The following KCNAB2 variants were observed in gnomAD, a reference collection of about 807,000 sequenced individuals.
The protein encoded by KCNAB2 is potassium voltage-gated channel subfamily A regulatory beta subunit 2, also known as voltage-gated potassium channel subunit beta-2.
Under a neutral mutation model 63.6 loss-of-function variants are expected in KCNAB2, and 29 were observed. The observed-to-expected ratio is 0.46, with a 90% confidence interval of 0.34 to 0.62. The LOEUF (loss-of-function observed/expected upper bound fraction) is 0.62. KCNAB2 is among the 20% of genes least tolerant of loss of function. The pLI is 0.01. For missense variants in KCNAB2, 359 were observed against 563.9 expected (o/e 0.64, Z 3.68); for synonymous variants, 222 against 224.2 (o/e 0.99, Z 0.09).
At chr1:6,022,879 C>CTTTT (rs34874871) in intron 1 of KCNAB2, among the ~76,000 whole-genome samples, 45 of 86,928 alleles carry the variant, frequency 5.2e-4, no homozygotes, top group South Asian at 7.5e-4. Context: ...TTTTGCTTAT[C>CTTTT]TTTTTTTTTT....
At chr1:6,019,290 T>G (rs887391895) in intron 1 of KCNAB2, among the ~76,000 whole-genome samples, 1 of 152,066 alleles carries the variant, frequency 6.6e-6, no homozygotes, top group South Asian at 2.1e-4. Flanking sequence ...AGTTCCCTTC[T>G]CCTAAAAAAA....
upstream of KCNAB2, among the ~76,000 whole-genome samples, chr1:6,031,596 G>T (rs1226195378): frequency 2.6e-5 from 4 of 152,142 alleles, no homozygotes; most frequent in Non-Finnish European, 4.4e-5. This position sits in a 1 kb window ranked among gnomAD's most constrained non-coding sequence, Gnocchi z 4.1. Flanking sequence ...CCAAAAATCT[G>T]CCAGCCCTGG....
At chr1:6,044,056 G>A (rs182389003), upstream of KCNAB2, among the ~76,000 whole-genome samples, 1 of 152,214 alleles carries the variant, frequency 6.6e-6, no homozygotes, top group Admixed American at 6.5e-5. Context: ...GCAGAAACAT[G>A]CAGGGTCTCT....
At position 6,028,886 on chromosome 1, in the gene KCNAB2, C is replaced by T. The variant is rs1026551171; in HGVS notation, c.-52-11631C>T. 6.6e-6 allele frequency among the ~76,000 whole-genome samples: 1 copy of T among 152,226 alleles called. No homozygotes were observed. The highest frequency in any genetic ancestry group is 2.4e-5 in the African/African-American group (1 of 41,458). On this transcript the variant is annotated intron_variant, in intron 1 of 16. Transcript: ENST00000341524. The surrounding 1 kb of genome is among the most constrained non-coding windows in gnomAD (Gnocchi z 4.0). ...TCTTAAGACCTCGGGGATCTGCAAACCAGCCTTCTGGAACCTTTGAGCTTC... is the reference window on the plus strand; with the variant it reads ...TCTTAAGACCTCGGGGATCTGCAAATCAGCCTTCTGGAACCTTTGAGCTTC...
intron 2 of KCNAB2, among the ~76,000 whole-genome samples, chr1:6,052,141 G>A (rs1462359644): frequency 6.6e-6 from 1 of 151,936 alleles, no homozygotes; most frequent in Non-Finnish European, 1.5e-5. Context: ...AGAAAATGAG[G>A]CCAGGCACGG....
chr1:6,030,502 ATATG>A (rs200235796), upstream of KCNAB2, among the ~76,000 whole-genome samples: 713 of 150,904 alleles, frequency 4.7e-3, 3 homozygotes, highest in African/African-American at 0.016. Context: ...TGCATTGTGT[ATATG>A]TGTTATGTAT....
At chr1:6,051,829 C>A in intron 2 of KCNAB2, 75 bp downstream of exon 2, 1 of 1,419,792 alleles carries the variant, frequency 7.0e-7, no homozygotes, top group South Asian at 1.4e-5. Context: ...AAGGGCTGGG[C>A]ACGGTGGTTC....
In KCNAB2 at chr1:6,087,695, G is replaced by A. The variant is rs1480878248; in HGVS notation, c.470+184G>A. On this transcript the variant is annotated intron_variant, in intron 7 of 15. Transcript: ENST00000378083. The surrounding 1 kb of genome is among the most constrained non-coding windows in gnomAD (Gnocchi z 6.4). ...CAGTGCCATTTCCTGTCCCCAGCAG[G>A]GGCAGAGCTGGTGTTTCTGCAGCCA... Among the ~76,000 whole-genome samples the A allele has an allele frequency of 6.6e-6, 1 of 152,198 alleles. No individual in the cohort carries two copies.
In KCNAB2 at chr1:6,073,052, C is replaced by G. The variant is rs1443422839; in HGVS notation, c.262+254C>G. ...GAGGTGAGGCGGATACTAGGGGCCC[C>G]TCCACACATGGTCCCCACCCCACAC... On this transcript the variant is annotated intron_variant, in intron 3 of 15. Transcript: ENST00000378083. This position sits in a 1 kb window ranked among gnomAD's most constrained non-coding sequence, Gnocchi z 5.7. Among the ~76,000 whole-genome samples the G allele has an allele frequency of 6.6e-6, 1 of 152,074 alleles. No individual in the cohort carries two copies. Among genetic ancestry groups the G allele is most frequent in the Non-Finnish European group, 1.5e-5 (1 of 67,992 alleles).
intron 2 of KCNAB2, among the ~76,000 whole-genome samples, chr1:6,066,344 A>T (rs544114700): frequency 6.6e-6 from 1 of 152,206 alleles, no homozygotes; most frequent in Middle Eastern, 3.4e-3. Context: ...CCACCTCCTC[A>T]CTTTCGAGAG....
At chr1:6,085,003 G>A (rs1192081354) in intron 5 of KCNAB2, among the ~76,000 whole-genome samples, 3 of 152,282 alleles carry the variant, frequency 2.0e-5, no homozygotes, top group African/African-American at 7.2e-5. Flanking sequence ...CCTAGTGGGG[G>A]GCAATAACAC....
chr1:6,040,650 C>A lies in KCNAB2; in HGVS notation c.77+5C>A, dbSNP rs1304028301. ...CTCCCCCGGGATGATCTACAGGTGA[C>A]CCCCTGCCCCCTCACCCAGGCCCCC... On this transcript the variant is annotated splice_donor_5th_base_variant and intron_variant, in intron 2 of 15. Coordinates refer to the KCNAB2 transcript ENST00000164247. 1.9e-6 allele frequency: 3 copies of A among 1,596,992 alleles called. No homozygotes were observed. In the South Asian group the frequency reaches 3.3e-5, roughly 18 times the overall value.
Position 6,057,732 on chromosome 1 carries a change from G to A in KCNAB2, c.218+5978G>A, listed in dbSNP as rs114438656. Among the ~76,000 whole-genome samples, 791 of 152,280 alleles carry A rather than the reference G, an allele frequency of 5.2e-3. 5 individuals are homozygous for A. The highest frequency in any genetic ancestry group is 0.018 in the African/African-American group (728 of 41,556). On this transcript the variant is annotated intron_variant, in intron 2 of 15. Coordinates refer to ENST00000378083, the MANE Select transcript of KCNAB2 (RefSeq NM_001199862.2). ...GTCCTTTTTGCCTCCCCCAGTTTCT[G>A]GTGGTGCCGGCAGGCCTGGGCATTC...
intron 1 of KCNAB2, among the ~76,000 whole-genome samples, chr1:6,023,614 C>G (rs1382628501): frequency 6.6e-6 from 1 of 152,144 alleles, no homozygotes; most frequent in Admixed American, 6.5e-5. Flanking sequence ...AGTATCTATT[C>G]AAGTCCTTTG....
At chr1:6,034,493 A>T (rs1279627749) in exon 1 of KCNAB2, 1 of 152,150 alleles carries the variant, frequency 6.6e-6, no homozygotes, top group Non-Finnish European at 1.5e-5. Flanking sequence ...GCACAGATAC[A>T]GCCTGACCTC....
intron 2 of KCNAB2, among the ~76,000 whole-genome samples, chr1:6,068,330 AG>A (rs950205506): frequency 6.6e-5 from 10 of 152,312 alleles, no homozygotes; most frequent in Admixed American, 5.2e-4. Context: ...AGGGCAGTGA[AG>A]GGGGGTGTTC....
At chr1:6,002,991 G>A (rs930669679) in intron 1 of KCNAB2, among the ~76,000 whole-genome samples, 61 of 151,828 alleles carry the variant, frequency 4.0e-4, no homozygotes, top group African/African-American at 1.4e-3. Context: ...TGTGTCCCGG[G>A]TGAGAACAGG....
At chr1:6,049,298 A>G (rs1199276751) in intron 1 of KCNAB2, among the ~76,000 whole-genome samples, 1 of 152,184 alleles carries the variant, frequency 6.6e-6, no homozygotes, top group East Asian at 1.9e-4. Flanking sequence ...ATGGGCACTG[A>G]GCAGGGGGCA....
At chr1:6,085,077 T>C in intron 5 of KCNAB2, 127 bp from the exon 6 acceptor site, 2 of 959,238 alleles carry the variant, frequency 2.1e-6, no homozygotes, top group South Asian at 1.4e-5. Flanking sequence ...AAGGCGGGTG[T>C]TAACAGCCTG....
Sources: allele counts gnomAD v4.1 joint callset (sites outside exome capture counted in the v4.1 genomes callset), GRCh38; gene constraint gnomAD v4.1.1; non-coding constraint Gnocchi (gnomAD v3.1); transcripts MANE v1.5; gene names NCBI Gene and HGNC (gene_info 2026-07-23, HGNC 2026-07-21).